The following ZMIZ1 variants were observed in gnomAD, a reference collection of about 807,000 sequenced individuals.
ZMIZ1 encodes the protein zinc finger MIZ-type containing 1, also known as zinc finger MIZ domain-containing protein 1.
A neutral mutation model predicts 113.9 loss-of-function variants in ZMIZ1; 17 were observed. That is an observed-to-expected ratio of 0.15 (90% confidence interval 0.10 to 0.22). The LOEUF is 0.22. ZMIZ1 is among the 10% of genes least tolerant of loss of function. The pLI, the probability that ZMIZ1 is intolerant of heterozygous loss-of-function variation, is 1.00. For missense variants in ZMIZ1, 1,059 were observed against 1,477.8 expected, an observed-to-expected ratio of 0.72 and a Z score of 4.65; for synonymous variants, 607 against 603.1, an observed-to-expected ratio of 1.01 and a Z score of -0.09.
At chr10:79,286,016 G>A (rs929763091) in intron 8 of ZMIZ1, among the ~76,000 whole-genome samples, 1 of 152,236 alleles carries the variant, frequency 6.6e-6, no homozygotes, top group African/African-American at 2.4e-5. Flanking sequence ...GGTGGAGCAG[G>A]ATTGTTGGGG....
At chr10:79,215,402 C>T (rs1317358140) in intron 6 of ZMIZ1, among the ~76,000 whole-genome samples, 2 of 151,816 alleles carry the variant, frequency 1.3e-5, no homozygotes, top group Non-Finnish European at 1.5e-5. Flanking sequence ...CAGGTCCAAG[C>T]GATTCTTCTG....
At chr10:79,201,506 C>T (rs1307651845) in intron 4 of ZMIZ1, 78 bp from the exon 5 acceptor site, 6 of 1,078,864 alleles carry the variant, frequency 5.6e-6, no homozygotes, top group Non-Finnish European at 6.9e-6. Flanking sequence ...AGTGTTGTGG[C>T]CAGAGGGCAG....
chr10:79,276,720 T>C (rs978777257), intron 7 of ZMIZ1, among the ~76,000 whole-genome samples: 1 of 152,090 alleles, frequency 6.6e-6, no homozygotes, highest in East Asian at 1.9e-4. Context: ...AGCCCACCCA[T>C]GGGGAGAAGC....
chr10:79,221,479 G>T (rs1246606603), intron 7 of ZMIZ1, among the ~76,000 whole-genome samples: 2 of 152,194 alleles, frequency 1.3e-5, no homozygotes, highest in Non-Finnish European at 2.9e-5. Flanking sequence ...AGTACAGAAG[G>T]TCACCTGCCT....
chr10:79,292,444 A>T (rs894267414), intron 11 of ZMIZ1, 88 bp downstream of exon 11: 19 of 1,518,802 alleles, frequency 1.3e-5, no homozygotes, highest in Non-Finnish European at 1.6e-5. Flanking sequence ...GTCAGTGCTT[A>T]TGGGGCCATG....
rs534526867 is a variant in ZMIZ1 at position 79,305,966 on chromosome 10, C to T, written c.2424-134C>T. On this transcript the variant is annotated intron_variant, in intron 21 of 24. Transcript: ENST00000334512. Reference sequence around the variant, plus strand: ...AGAGAAATCCCTGCCAGGCTTCCGCCTCGTCCACAGTGTGGTGAGAGTGGG... The same window carrying T: ...AGAGAAATCCCTGCCAGGCTTCCGCTTCGTCCACAGTGTGGTGAGAGTGGG... The T allele has an allele frequency of 5.3e-5, 73 of 1,381,044 alleles. 1 individual carries two copies. In the East Asian group the frequency reaches 1.7e-3, roughly 31 times the overall value. 85.5% of individuals were successfully genotyped at this position (1,381,044 alleles called of 1,614,324 possible).
chr10:79,251,083 C>G (rs1850528005), intron 7 of ZMIZ1, among the ~76,000 whole-genome samples: 1 of 152,132 alleles, frequency 6.6e-6, no homozygotes, highest in African/African-American at 2.4e-5. Flanking sequence ...AGACTGGGCA[C>G]TGCACTGAAT....
In ZMIZ1 at chr10:79,296,483, A is replaced by C. The variant is rs147476107; in HGVS notation, c.1243A>C (p.Asn415His). ...TCTCCCACCACAGCCCAACTATGGA[A>C]ACCAGCAATATGGACCAAACAGCCA... ...RPYPGEPNYG[N>H]QQYGPNSQFP... The change falls in exon 13 of 25, where the codon AAC (asparagine) becomes CAC (histidine). Residue 415 changes from asparagine (N) to histidine (H), a missense_variant. Transcript: ENST00000334512. The surrounding 1 kb of genome is among the most constrained non-coding windows in gnomAD (Gnocchi z 4.1). 65 of 1,613,934 alleles carry C rather than the reference A, an allele frequency of 4.0e-5. No homozygotes were observed. The African/African-American group carries it at 8.3e-4, about 21-fold the overall frequency.
At chr10:79,310,095 A>C (rs1855017340) in intron 23 of ZMIZ1, among the ~76,000 whole-genome samples, 1 of 152,142 alleles carries the variant, frequency 6.6e-6, no homozygotes, top group African/African-American at 2.4e-5. Flanking sequence ...GTTATCTGTT[A>C]GAGAGGCACC....
intron 7 of ZMIZ1, among the ~76,000 whole-genome samples, chr10:79,226,300 G>A (rs1461633909): frequency 6.6e-6 from 1 of 152,174 alleles, no homozygotes; most frequent in East Asian, 1.9e-4. Flanking sequence ...ATCTCTGCAG[G>A]TCACCAGGGA....
chr10:79,093,651 G>A (rs916185138), intron 1 of ZMIZ1, among the ~76,000 whole-genome samples: 3 of 152,120 alleles, frequency 2.0e-5, no homozygotes, highest in African/African-American at 4.8e-5. Context: ...ACACACATGC[G>A]TACGTGATGT....
chr10:79,312,529 A>AG, intron 24 of ZMIZ1, 113 bp from the exon 25 acceptor site: 1 of 1,100,230 alleles, frequency 9.1e-7, no homozygotes, highest in Non-Finnish European at 1.4e-6. Flanking sequence ...TTTTTTGGCT[A>AG]GGGTCCTGAG....
intron 1 of ZMIZ1, among the ~76,000 whole-genome samples, chr10:79,084,335 T>G (rs1460028394): frequency 6.6e-6 from 1 of 152,260 alleles, no homozygotes; most frequent in Non-Finnish European, 1.5e-5. Context: ...CTCCTCTTTC[T>G]GTTCTGTGTC....
intron 3 of ZMIZ1, among the ~76,000 whole-genome samples, chr10:79,155,310 A>G (rs1464120335): frequency 6.6e-6 from 1 of 152,150 alleles, no homozygotes; most frequent in African/African-American, 2.4e-5. Flanking sequence ...GGCAGTCGGG[A>G]CAGCTTTCCC....
chr10:79,261,459 G>A (rs991894845), intron 7 of ZMIZ1, among the ~76,000 whole-genome samples: 2 of 152,212 alleles, frequency 1.3e-5, no homozygotes, highest in Non-Finnish European at 2.9e-5. Context: ...CTAAACAAAT[G>A]ACGGCTCCCT....
chr10:79,273,904 A>G (rs556180703), intron 7 of ZMIZ1, among the ~76,000 whole-genome samples: 11 of 152,374 alleles, frequency 7.2e-5, no homozygotes, highest in Non-Finnish European at 1.0e-4. Flanking sequence ...CAGGAGGCCA[A>G]TCGTCACCCG....
At chr10:79,253,277 G>T (rs186420700) in intron 7 of ZMIZ1, among the ~76,000 whole-genome samples, 10 of 152,332 alleles carry the variant, frequency 6.6e-5, no homozygotes, top group African/African-American at 2.4e-4. Context: ...ACGTGTGGGG[G>T]TCGTTTGCAA....
At chr10:79,102,805 G>A in intron 1 of ZMIZ1, among the ~76,000 whole-genome samples, 1 of 152,230 alleles carries the variant, frequency 6.6e-6, no homozygotes, top group East Asian at 1.9e-4. Context: ...CTGGCTGGCA[G>A]GGAGTTGAGG....
intron 4 of ZMIZ1, among the ~76,000 whole-genome samples, chr10:79,179,999 C>T (rs967639740): frequency 2.0e-5 from 3 of 152,270 alleles, no homozygotes; most frequent in Non-Finnish European, 4.4e-5. Context: ...TGACCTGCCC[C>T]TCATCCACTC....
Sources: gnomAD v4.1 joint callset for allele counts (sites outside exome capture counted in the v4.1 genomes callset) on GRCh38, gnomAD v4.1.1 for gene constraint, Gnocchi (gnomAD v3.1) non-coding constraint, MANE v1.5 for transcripts, NCBI Gene and HGNC (gene_info 2026-07-23, HGNC 2026-07-21) for gene names.